ANK1: variants seen among roughly 807,000 people sequenced by gnomAD.
ANK1 encodes ankyrin-1.
A neutral mutation model predicts 210.4 loss-of-function variants in ANK1; 51 were observed. The observed-to-expected ratio is 0.24, with a 90% confidence interval of 0.19 to 0.31. The LOEUF is 0.31. Among genes scored for constraint, ANK1 ranks in the 10% least tolerant of loss-of-function variants. The pLI is 1.00. For synonymous variants in ANK1, 967 were observed against 1,025.9 expected, an observed-to-expected ratio of 0.94 and a Z score of 1.10; for missense variants, 2,051 against 2,504.4, an observed-to-expected ratio of 0.82 and a Z score of 3.86.
chr8:41,682,380 C>T (rs113821836), intron 37 of ANK1, among the ~76,000 whole-genome samples: 1 of 152,362 alleles, frequency 6.6e-6, no homozygotes, highest in South Asian at 2.1e-4. Context: ...GCACCATGCA[C>T]GTTAACTGCT....
intron 2 of ANK1, among the ~76,000 whole-genome samples, chr8:41,738,012 T>TA (rs1356018771): frequency 1.3e-5 from 2 of 151,966 alleles, no homozygotes; most frequent in Non-Finnish European, 2.9e-5. Context: ...CACGGATGCA[T>TA]AAAAAATAAA....
intron 29 of ANK1, 147 bp from the exon 30 acceptor site, chr8:41,693,348 G>A: frequency 1.5e-6 from 1 of 679,110 alleles, no homozygotes; most frequent in Admixed American, 2.1e-5. Flanking sequence ...TCACCCCGCT[G>A]CTCTTCCTCC....
chr8:41,822,185 AGAAG>A (rs1563846562), intron 1 of ANK1, among the ~76,000 whole-genome samples: 7 of 147,638 alleles, frequency 4.7e-5, no homozygotes, highest in South Asian at 2.2e-4. Flanking sequence ...AAAGAAAGAA[AGAAG>A]GAAAGAAAGA....
intron 16 of ANK1, among the ~76,000 whole-genome samples, chr8:41,713,059 C>A (rs916033919): frequency 1.3e-5 from 2 of 152,196 alleles, no homozygotes; most frequent in African/African-American, 4.8e-5. Flanking sequence ...GGAGGGAGAA[C>A]GCGCCGAAGC....
intron 16 of ANK1, among the ~76,000 whole-genome samples, chr8:41,712,579 C>A (rs561260526): frequency 6.6e-6 from 1 of 152,318 alleles, no homozygotes; most frequent in South Asian, 2.1e-4. Context: ...TGTGTGCCCG[C>A]AAAAGGCTCT....
intron 29 of ANK1, 33 bp from the exon 30 acceptor site, chr8:41,693,234 G>A (rs980338650): frequency 6.6e-7 from 1 of 1,518,896 alleles, no homozygotes; most frequent in Middle Eastern, 1.7e-4. Context: ...GCTGGGGACA[G>A]TCTTCAGGAT....
intron 31 of ANK1, among the ~76,000 whole-genome samples, chr8:41,692,396 C>T (rs1395267339): frequency 2.6e-5 from 4 of 152,236 alleles, no homozygotes; most frequent in South Asian, 2.1e-4. Flanking sequence ...ACAAGACCTT[C>T]GGCAAATGCC....
At chr8:41,852,961 T>A (rs1330617775) in intron 1 of ANK1, among the ~76,000 whole-genome samples, 1 of 152,214 alleles carries the variant, frequency 6.6e-6, no homozygotes, top group Non-Finnish European at 1.5e-5. Flanking sequence ...GGACAAATCA[T>A]CCTTTCCTTC....
intron 1 of ANK1, among the ~76,000 whole-genome samples, chr8:41,808,963 TA>T (rs1427865723): frequency 6.6e-6 from 1 of 152,166 alleles, no homozygotes; most frequent in Non-Finnish European, 1.5e-5. Context: ...TATTTGTTGT[TA>T]TTATGTTTTA....
intron 38 of ANK1, among the ~76,000 whole-genome samples, chr8:41,670,316 C>T (rs1293671459): frequency 6.6e-6 from 1 of 151,940 alleles, no homozygotes; most frequent in Non-Finnish European, 1.5e-5. Flanking sequence ...GGATGAAATT[C>T]ATCTGTCCCC....
chr8:41,786,206 G>A (rs954808793), intron 1 of ANK1, among the ~76,000 whole-genome samples: 1 of 152,212 alleles, frequency 6.6e-6, no homozygotes, highest in African/African-American at 2.4e-5. Context: ...AAGAGGAGGA[G>A]CTCGCGTCTT....
intron 1 of ANK1, among the ~76,000 whole-genome samples, chr8:41,783,224 G>C (rs368272424): frequency 1.3e-5 from 2 of 152,210 alleles, no homozygotes; most frequent in Non-Finnish European, 2.9e-5. Flanking sequence ...CGTTTCGAAA[G>C]TCTCCCAAGT....
chr8:41,688,409 A>T, intron 34 of ANK1, 102 bp downstream of exon 34: 5 of 1,474,288 alleles, frequency 3.4e-6, no homozygotes, highest in Non-Finnish European at 4.7e-6. Context: ...TGGCTGAGCG[A>T]GCGGCACCTC....
In ANK1 at chr8:41,694,642, C is replaced by T. The variant is rs752525985; in HGVS notation, c.3277G>A (p.Ala1093Thr). The stretch of plus-strand genomic sequence containing the variant: ...GTGACGGCATTCTCCGGGAACGTTG[C>T]CTGTACCAGGGGCACCAGCTTGCTC... The part of the protein sequence containing the change: ...LKSKLVPLVQ[A>T]TFPENAVTKR... Residue 1093 changes from alanine to threonine, a missense_variant, in exon 28 of 43, where the codon GCA (alanine) becomes ACA (threonine). Ala to Thr is a moderately conservative substitution (Grantham distance 58, BLOSUM62 0). Transcript: ENST00000289734. The surrounding 1 kb of genome is among the most constrained non-coding windows in gnomAD (Gnocchi z 5.7). The T allele has an allele frequency of 6.2e-7, 1 of 1,614,084 alleles. No individual in the cohort carries two copies. Among genetic ancestry groups the T allele is most frequent in the Admixed American group, 1.7e-5 (1 of 60,030 alleles).
chr8:41,792,235 G>T (rs1847888524), intron 1 of ANK1, among the ~76,000 whole-genome samples: 1 of 152,192 alleles, frequency 6.6e-6, no homozygotes, highest in Non-Finnish European at 1.5e-5. Context: ...TTTCTAATTG[G>T]TTGTCACTGC....
chr8:41,753,345 T>C (rs523316), intron 2 of ANK1, among the ~76,000 whole-genome samples: 125,297 of 151,954 alleles, frequency 0.82, 52,135 homozygotes, highest in East Asian at 0.88. Context: ...AGATTACAGG[T>C]ATGAGCTATC....
At chr8:41,679,956 T>C (rs538753405) in intron 37 of ANK1, among the ~76,000 whole-genome samples, 20 of 152,296 alleles carry the variant, frequency 1.3e-4, no homozygotes, top group African/African-American at 4.6e-4. Context: ...TGTTATTTGA[T>C]ATCCAATGTC....
At chr8:41,816,260 C>A (rs1468184447) in intron 1 of ANK1, among the ~76,000 whole-genome samples, 2 of 152,116 alleles carry the variant, frequency 1.3e-5, no homozygotes, top group Non-Finnish European at 2.9e-5. Context: ...GGACTTTTGT[C>A]TTACTGATGT....
chr8:41,883,679 T>C (rs1409545501), intron 1 of ANK1, among the ~76,000 whole-genome samples: 1 of 152,102 alleles, frequency 6.6e-6, no homozygotes, highest in Admixed American at 6.6e-5. Flanking sequence ...AGGCTGGTCT[T>C]GAACTCCTGG....
Sources: gnomAD v4.1 joint callset for allele counts (sites outside exome capture counted in the v4.1 genomes callset) on GRCh38, gnomAD v4.1.1 for gene constraint, Gnocchi (gnomAD v3.1) non-coding constraint, MANE v1.5 for transcripts, NCBI Gene and HGNC (gene_info 2026-07-23, HGNC 2026-07-21) for gene names.